Variants in TOPAZ1 observed in about 807,000 individuals in gnomAD.
The protein encoded by TOPAZ1 is protein TOPAZ1.
Under a neutral mutation model 172.2 loss-of-function variants are expected in TOPAZ1, and 66 were observed. The ratio of observed to expected loss-of-function variants is 0.38; its 90% CI spans 0.31 to 0.47. TOPAZ1 has a LOEUF of 0.47. TOPAZ1 is among the 20% of genes least tolerant of loss of function. The pLI is 0.99. For missense variants in TOPAZ1, 1,822 were observed against 1,972.4 expected (o/e 0.92, Z 1.44); for synonymous variants, 681 against 683.9 (o/e 1.00, Z 0.07).
intron 2 of TOPAZ1, among the ~76,000 whole-genome samples, chr3:44,254,282 T>G (rs1699668684): frequency 1.3e-5 from 2 of 152,192 alleles, no homozygotes; most frequent in Non-Finnish European, 2.9e-5. Flanking sequence ...TTGAGCTGCT[T>G]TCAAGCTGTC....
chr3:44,252,947 G>A (rs939637991), intron 2 of TOPAZ1, among the ~76,000 whole-genome samples: 2 of 152,196 alleles, frequency 1.3e-5, no homozygotes, highest in Non-Finnish European at 2.9e-5. Context: ...AGAAGTGCAA[G>A]ATGTTAAACG....
At chr3:44,293,002 A>G (rs1565212) in intron 12 of TOPAZ1, among the ~76,000 whole-genome samples, 72,577 of 151,934 alleles carry the variant, frequency 0.48, 18,208 homozygotes, top group East Asian at 0.81. Context: ...GCCCCATAAT[A>G]ATGTTTTGGT....
chr3:44,249,647 C>A (rs1194291146), intron 2 of TOPAZ1, among the ~76,000 whole-genome samples: 1 of 152,042 alleles, frequency 6.6e-6, no homozygotes, highest in Non-Finnish European at 1.5e-5. Context: ...AAGAAATGTC[C>A]ATGTCTTATT....
intron 8 of TOPAZ1, among the ~76,000 whole-genome samples, chr3:44,276,653 T>TTTTC (rs1699963281): frequency 3.5e-5 from 2 of 56,554 alleles, no homozygotes; most frequent in African/African-American, 1.0e-4. Context: ...TTTTTTTTTT[T>TTTTC]CCAGAATTGC....
At chr3:44,251,203 C>T (rs1203674425) in intron 2 of TOPAZ1, among the ~76,000 whole-genome samples, 1 of 152,102 alleles carries the variant, frequency 6.6e-6, no homozygotes. Flanking sequence ...TCACTGCAGC[C>T]TCTACCTACC....
chr3:44,267,211 CAAAA>C, intron 6 of TOPAZ1, 75 bp downstream of exon 6: 1 of 1,049,546 alleles, frequency 9.5e-7, no homozygotes, highest in Non-Finnish European at 1.2e-6. Context: ...CTACCAAAAA[CAAAA>C]AACGATTAAA....
At chr3:44,334,612 T>A (rs908153926), downstream of TOPAZ1, among the ~76,000 whole-genome samples, 1 of 152,018 alleles carries the variant, frequency 6.6e-6, no homozygotes, top group African/African-American at 2.4e-5. Flanking sequence ...GGACCAAATA[T>A]TAGAGGAAGA....
chr3:44,301,402 C>G (rs1332404339), intron 12 of TOPAZ1, among the ~76,000 whole-genome samples: 1 of 152,106 alleles, frequency 6.6e-6, no homozygotes, highest in Non-Finnish European at 1.5e-5. Flanking sequence ...AAGTATATAA[C>G]TTATAACTTT....
At chr3:44,255,133 T>C in intron 3 of TOPAZ1, 104 bp downstream of exon 3, 3 of 772,788 alleles carry the variant, frequency 3.9e-6, no homozygotes, top group Non-Finnish European at 6.3e-6. Flanking sequence ...CTTTTCATTT[T>C]AGGGTCTGTT....
intron 5 of TOPAZ1, among the ~76,000 whole-genome samples, chr3:44,263,640 C>T (rs1010775448): frequency 2.0e-5 from 3 of 152,144 alleles, no homozygotes; most frequent in African/African-American, 7.2e-5. Flanking sequence ...AATTTCAACT[C>T]TTATAAATAT....
rs557599206 is a variant in TOPAZ1, at chr3:44,244,755, G to C, written c.2249G>C (p.Ser750Thr). 6.4e-7 allele frequency: 1 copy of C among 1,551,586 alleles called. No homozygotes were observed. The highest frequency in any genetic ancestry group is 8.7e-7 in the Non-Finnish European group (1 of 1,146,982). ...LGPQTLSIRN[S>T]VTPVQASSDS... ...CCTCAAACTTTGAGCATACGAAATA[G>C]TGTAACTCCAGTGCAAGCTAGTTCT... The change falls in exon 2 of 20, where the codon AGT becomes ACT. Residue 750 changes from serine (S) to threonine (T), a missense_variant. Ser to Thr is a moderately conservative substitution (Grantham distance 58, BLOSUM62 1). Coordinates refer to ENST00000309765, the MANE Select transcript of TOPAZ1 (RefSeq NM_001145030.2).
chr3:44,264,564 G>A (rs1272433095), intron 5 of TOPAZ1, among the ~76,000 whole-genome samples: 1 of 152,184 alleles, frequency 6.6e-6, no homozygotes, highest in Admixed American at 6.5e-5. Context: ...AAGGTTGAAG[G>A]TTGAGGTGGC....
chr3:44,247,534 C>T (rs531393304), intron 2 of TOPAZ1, among the ~76,000 whole-genome samples: 3 of 152,298 alleles, frequency 2.0e-5, no homozygotes, highest in South Asian at 4.1e-4. Flanking sequence ...ATTACTAAGC[C>T]TTGTGCCATG....
chr3:44,282,802 T>G (rs994674005), intron 9 of TOPAZ1, among the ~76,000 whole-genome samples: 1 of 152,192 alleles, frequency 6.6e-6, no homozygotes, highest in Non-Finnish European at 1.5e-5. Flanking sequence ...CTGACAGGTT[T>G]ATTGTTTTGT....
At chr3:44,266,583 G>C (rs1575712335) in intron 5 of TOPAZ1, among the ~76,000 whole-genome samples, 1 of 152,172 alleles carries the variant, frequency 6.6e-6, no homozygotes, top group African/African-American at 2.4e-5. Flanking sequence ...GAAGCCTAAG[G>C]AGAGGGAGAG....
chr3:44,309,965 A>G lies in TOPAZ1; in HGVS notation c.4281A>G (p.Leu1427=). 6.4e-7 allele frequency: 1 copy of G among 1,550,478 alleles called. No homozygotes were observed. The highest frequency in any genetic ancestry group is 8.7e-7 in the Non-Finnish European group (1 of 1,146,676). The change falls in exon 16 of 20, where the codon CTA becomes CTG. Residue 1427 remains leucine (L), a synonymous_variant. Transcript: ENST00000309765. ...AAATTTTTCTAAAAAGTGGAAGCCT[A>G]GATGGTGCCATTTGGGTAATGAGGG... The part of the protein sequence containing the change: ...AAEIFLKSGS[L]DGAIWVMRES...
chr3:44,277,523 T>C (rs921623679), intron 8 of TOPAZ1, among the ~76,000 whole-genome samples: 3 of 152,216 alleles, frequency 2.0e-5, no homozygotes, highest in African/African-American at 7.2e-5. Flanking sequence ...TCTGGTACTA[T>C]GTTGAATAGG....
intron 19 of TOPAZ1, 141 bp from the exon 20 acceptor site, chr3:44,331,651 A>G: frequency 4.1e-6 from 3 of 739,498 alleles, no homozygotes; most frequent in Admixed American, 2.8e-5. Context: ...TCATGATCAA[A>G]AAAGTTTGAA....
At chr3:44,317,496 T>C (rs1394230447) in intron 16 of TOPAZ1, among the ~76,000 whole-genome samples, 5 of 152,236 alleles carry the variant, frequency 3.3e-5, no homozygotes, top group Non-Finnish European at 7.3e-5. Context: ...TTTTAGTATT[T>C]ACTGTTGGAA....
Sources: gnomAD v4.1 joint callset for allele counts (sites outside exome capture counted in the v4.1 genomes callset) on GRCh38, gnomAD v4.1.1 for gene constraint, MANE v1.5 for transcripts, NCBI Gene and HGNC (gene_info 2026-07-23, HGNC 2026-07-21) for gene names.